CD59: variants seen among roughly 807,000 people sequenced by gnomAD.
CD59 encodes the protein CD59 glycoprotein.
A neutral mutation model predicts 7.0 loss-of-function variants in CD59; 3 were observed. The ratio of observed to expected loss-of-function variants is 0.43; its 90% CI spans 0.19 to 1.10. CD59 has a LOEUF of 1.10. Ranked by LOEUF, CD59 falls within the 50% of genes least tolerant of loss-of-function variation. CD59 has a pLI of 0.29. For synonymous variants in CD59, 60 were observed against 62.0 expected, an observed-to-expected ratio of 0.97 and a Z score of 0.15; for missense variants, 143 against 151.0, an observed-to-expected ratio of 0.95 and a Z score of 0.28.
rs1013495516 is a variant in CD59 at position 33,704,805 on chromosome 11, C to G, written c.*5321G>C. 2 of 152,548 alleles carry G rather than the reference C, an allele frequency of 1.3e-5. No individual in the cohort carries two copies. Among genetic ancestry groups the G allele is most frequent in the African/African-American group, 4.8e-5 (2 of 41,402 alleles). 9.4% of individuals were successfully genotyped at this position (152,548 alleles called of 1,614,324 possible). ...GCACACACGGCCTCTAGTCTCCTAC[C>G]CCTCTTCCTGGCAGGAGGCTGGCTC... On this transcript the variant is annotated 3_prime_UTR_variant, in exon 4 of 4. Coordinates refer to ENST00000642928, the MANE Select transcript of CD59 (RefSeq NM_000611.6).
chr11:33,732,668 T>A (rs1458082041), intron 1 of CD59, among the ~76,000 whole-genome samples: 1 of 152,150 alleles, frequency 6.6e-6, no homozygotes, highest in Non-Finnish European at 1.5e-5. Context: ...GTAACTGGAG[T>A]TAATCCTCAC....
intron 1 of CD59, among the ~76,000 whole-genome samples, chr11:33,732,246 C>T (rs1043736237): frequency 2.0e-5 from 3 of 152,210 alleles, no homozygotes; most frequent in African/African-American, 7.2e-5. Context: ...ATTTTAATCC[C>T]CAGTGTCGGA....
intron 1 of CD59, among the ~76,000 whole-genome samples, chr11:33,723,480 C>T (rs1336398426): frequency 6.6e-6 from 1 of 152,202 alleles, no homozygotes; most frequent in East Asian, 1.9e-4. Flanking sequence ...CAGGGTCTGA[C>T]ATTGTCCAAA....
chr11:33,724,962 AGTATGT>A (rs1231651988), intron 1 of CD59, among the ~76,000 whole-genome samples: 3 of 152,042 alleles, frequency 2.0e-5, no homozygotes, highest in Non-Finnish European at 4.4e-5. Flanking sequence ...GTTCATATGG[AGTATGT>A]GTATGTGTAT....
intron 1 of CD59, among the ~76,000 whole-genome samples, chr11:33,725,497 C>A (rs1185319916): frequency 6.6e-6 from 1 of 152,120 alleles, no homozygotes; most frequent in African/African-American, 2.4e-5. Flanking sequence ...TGCTATTGTT[C>A]TGAATGATTT....
intron 3 of CD59, among the ~76,000 whole-genome samples, chr11:33,714,599 T>A (rs563550802): frequency 1.1e-3 from 161 of 152,372 alleles, no homozygotes; most frequent in African/African-American, 3.7e-3. Flanking sequence ...AGAAATTTTT[T>A]AATTGTAAAT....
chr11:33,731,684 G>C (rs1854421524), intron 1 of CD59, among the ~76,000 whole-genome samples: 1 of 152,232 alleles, frequency 6.6e-6, no homozygotes, highest in African/African-American at 2.4e-5. Flanking sequence ...CACTGGGTTA[G>C]AGGGTGACCT....
At position 33,736,108 on chromosome 11, in the gene CD59, TG is replaced by T. The variant is rs1854567296; in HGVS notation, c.-19+273del. Among the ~76,000 whole-genome samples, 1 of 151,640 alleles carries T rather than the reference TG, an allele frequency of 6.6e-6. No homozygotes were observed. Among genetic ancestry groups the T allele is most frequent in the South Asian group, 2.1e-4 (1 of 4,790 alleles). On this transcript the variant is annotated intron_variant, in intron 1 of 3. Transcript: ENST00000642928. The surrounding 1 kb of genome is among the most constrained non-coding windows in gnomAD (Gnocchi z 4.4). ...GGGTGCGAGGCTGCCCCCGAGGGAA[TG>T]GGGGGCGCGACGGGGGTAACGGGGC...
In CD59 at chr11:33,704,255, A is replaced by G. The variant is rs1027574681; in HGVS notation, c.*5871T>C. 2.0e-5 allele frequency: 3 copies of G among 152,178 alleles called. No homozygotes were observed. Among genetic ancestry groups the G allele is most frequent in the Admixed American group, 6.5e-5 (1 of 15,278 alleles). The allele number at this position is 152,178 out of a possible 1,614,324, so 9.4% of individuals were successfully genotyped here. Reference sequence around the variant, plus strand: ...AATCACATCAGCTCTCTGAACCCCAATTGTCTCTGATCTATAAAATGAAGA... The same window carrying G: ...AATCACATCAGCTCTCTGAACCCCAGTTGTCTCTGATCTATAAAATGAAGA... On this transcript the variant is annotated 3_prime_UTR_variant, in exon 4 of 4. Transcript: ENST00000642928.
rs1356195894 is a variant in CD59, at chr11:33,706,323, TGTAA to T, written c.*3799_*3802del. ...TACAAAAATTTTATATTGAATAACC[TGTAA>T]GTAATTTGAAAAAGAGACTTCTGGC... On this transcript the variant is annotated 3_prime_UTR_variant, in exon 4 of 4. Transcript: ENST00000642928. 1.3e-5 allele frequency: 2 copies of T among 152,136 alleles called. No individual in the cohort carries two copies. Among genetic ancestry groups the T allele is most frequent in the Non-Finnish European group, 2.9e-5 (2 of 68,032 alleles). 9.4% of individuals were successfully genotyped at this position (152,136 alleles called of 1,614,324 possible).
chr11:33,726,952 CA>C (rs1854277383), intron 1 of CD59, among the ~76,000 whole-genome samples: 1 of 152,210 alleles, frequency 6.6e-6, no homozygotes, highest in Non-Finnish European at 1.5e-5. Context: ...TGGGCACATA[CA>C]CCCTCCCAAG....
At chr11:33,731,623 G>A (rs1283903568) in intron 1 of CD59, among the ~76,000 whole-genome samples, 1 of 152,178 alleles carries the variant, frequency 6.6e-6, no homozygotes, top group African/African-American at 2.4e-5. Flanking sequence ...TGCATTTTGA[G>A]CCAGCACTCA....
At chr11:33,734,041 C>T (rs988043227) in intron 1 of CD59, among the ~76,000 whole-genome samples, 14 of 152,224 alleles carry the variant, frequency 9.2e-5, no homozygotes, top group African/African-American at 1.2e-4. Context: ...TGTTTCTATT[C>T]GCCAGGGGCT....
chr11:33,729,383 T>C (rs999872596), intron 1 of CD59, among the ~76,000 whole-genome samples: 2 of 152,158 alleles, frequency 1.3e-5, no homozygotes, highest in South Asian at 2.1e-4. Context: ...TGGATGAAAC[T>C]GGAAACCATC....
chr11:33,735,913 CAAA>C (rs571280343), intron 1 of CD59, among the ~76,000 whole-genome samples: 1 of 139,758 alleles, frequency 7.2e-6, no homozygotes. Flanking sequence ...AACTCCATCT[CAAA>C]AAAAAAAAAA....
In CD59 at chr11:33,710,227, A is replaced by G; in HGVS notation, c.286T>C (p.Phe96Leu). 1 of 1,614,192 alleles carries G rather than the reference A, an allele frequency of 6.2e-7. No homozygotes were observed. Among genetic ancestry groups the G allele is most frequent in the Non-Finnish European group, 8.5e-7 (1 of 1,180,010 alleles). ...CCACCATTTTCAAGCTGTTCGTTAA[A>G]GTTACACAGGTCCTTCTTGCAGCAG... ...YYCCKKDLCNFNEQLENGGTS... is the reference protein window; with the variant it reads ...YYCCKKDLCNLNEQLENGGTS... Residue 96 changes from phenylalanine to leucine, a missense_variant, in exon 4 of 4, where the codon TTT (phenylalanine) becomes CTT (leucine). Coordinates refer to ENST00000642928, the MANE Select transcript of CD59 (RefSeq NM_000611.6).
At chr11:33,728,877 AAAG>A (rs1854333349) in intron 1 of CD59, among the ~76,000 whole-genome samples, 1 of 152,278 alleles carries the variant, frequency 6.6e-6, no homozygotes, top group African/African-American at 2.4e-5. Flanking sequence ...ACACTTCTCA[AAAG>A]AAGACATTTA....
chr11:33,732,162 A>G (rs551862888), intron 1 of CD59, among the ~76,000 whole-genome samples: 72 of 151,234 alleles, frequency 4.8e-4, no homozygotes, highest in African/African-American at 1.6e-3. Context: ...TTTCTTTACA[A>G]ATTACCCAGT....
At chr11:33,722,632 A>C (rs1439625067) in intron 1 of CD59, 169 bp from the exon 2 acceptor site, 48 of 1,480,682 alleles carry the variant, frequency 3.2e-5, no homozygotes, top group Non-Finnish European at 4.3e-5. Context: ...ACAGCACCAT[A>C]TACCCTTGAG....
Sources: gnomAD v4.1 joint callset for allele counts (sites outside exome capture counted in the v4.1 genomes callset) on GRCh38, gnomAD v4.1.1 for gene constraint, Gnocchi (gnomAD v3.1) non-coding constraint, MANE v1.5 for transcripts, NCBI Gene and HGNC (gene_info 2026-07-23, HGNC 2026-07-21) for gene names.